Variants in MOBP observed in about 807,000 individuals in gnomAD.
MOBP encodes the protein myelin-associated oligodendrocyte basic protein.
In MOBP, 5 loss-of-function variants were observed where a neutral mutation model predicts 15.0. That is an observed-to-expected ratio of 0.33 (90% CI 0.17 to 0.70). The LOEUF (loss-of-function observed/expected upper bound fraction) is 0.70. MOBP is among the 30% of genes least tolerant of loss of function. MOBP has a pLI of 0.67. For missense variants in MOBP, 188 were observed against 257.8 expected (o/e 0.73, Z 1.85); for synonymous variants, 88 against 99.0 (o/e 0.89, Z 0.66).
chr3:39,474,352 G>T (rs1348050855), intron 1 of MOBP, among the ~76,000 whole-genome samples: 1 of 152,214 alleles, frequency 6.6e-6, no homozygotes, highest in East Asian at 1.9e-4. Flanking sequence ...TTACAGTGAT[G>T]TGTTGGTTAA....
At chr3:39,469,218 ATACATATATACATATGTGTG>A (rs2042427516) in intron 1 of MOBP, among the ~76,000 whole-genome samples, 1 of 131,566 alleles carries the variant, frequency 7.6e-6, no homozygotes, top group Admixed American at 7.7e-5. Flanking sequence ...GTGTGTGTAT[ATACATATATACATATGTGTG>A]TGTATATATA....
intron 1 of MOBP, among the ~76,000 whole-genome samples, chr3:39,479,721 C>T (rs1019399840): frequency 2.6e-5 from 4 of 151,228 alleles, no homozygotes; most frequent in Non-Finnish European, 2.9e-5. Flanking sequence ...AGCAAAAATT[C>T]GGCTTGTAAA....
chr3:39,486,223 G>A (rs2125637287), intron 2 of MOBP, among the ~76,000 whole-genome samples: 1 of 152,278 alleles, frequency 6.6e-6, no homozygotes. Context: ...TGTGATCTTG[G>A]TTGAGTTATC....
chr3:39,472,401 C>T (rs555249755), intron 1 of MOBP, among the ~76,000 whole-genome samples: 7 of 152,106 alleles, frequency 4.6e-5, no homozygotes, highest in East Asian at 3.9e-4. Context: ...TCCTAAATAT[C>T]GAATTAGGTT....
At chr3:39,524,865 G>A (rs2043306677) in exon 5 of MOBP, 2 of 152,122 alleles carry the variant, frequency 1.3e-5, no homozygotes, top group Non-Finnish European at 2.9e-5. Flanking sequence ...ATATTAAATA[G>A]AAGGTAAAAC....
intron 2 of MOBP, 115 bp downstream of exon 2, chr3:39,480,238 A>G (rs1342933664): frequency 6.6e-6 from 1 of 152,200 alleles, no homozygotes; most frequent in Non-Finnish European, 1.5e-5. Flanking sequence ...TGAGCAATCA[A>G]ATTTTCAGTA....
At chr3:39,511,085 G>A (rs2043113836) in intron 4 of MOBP, among the ~76,000 whole-genome samples, 1 of 152,194 alleles carries the variant, frequency 6.6e-6, no homozygotes, top group Non-Finnish European at 1.5e-5. Flanking sequence ...AAATCACAGA[G>A]GTCCTAAATA....
At chr3:39,522,516 C>T (rs2043282199) in intron 3 of MOBP, among the ~76,000 whole-genome samples, 2 of 152,146 alleles carry the variant, frequency 1.3e-5, no homozygotes, top group African/African-American at 2.4e-5. Context: ...AAACCATGGC[C>T]TTAAATCCCC....
exon 5 of MOBP, chr3:39,513,536 C>G (rs1187244977): frequency 7.3e-6 from 8 of 1,097,524 alleles, no homozygotes; most frequent in Non-Finnish European, 1.1e-5. Context: ...GGGGCAAACA[C>G]CTGCTGATGT....
chr3:39,504,688 G>A (rs764242042), downstream of MOBP, among the ~76,000 whole-genome samples: 52 of 152,138 alleles, frequency 3.4e-4, no homozygotes, highest in Non-Finnish European at 6.5e-4. Flanking sequence ...ATTCCCAAAG[G>A]TCTTCAGGTA....
intron 1 of MOBP, among the ~76,000 whole-genome samples, chr3:39,473,503 C>G (rs1197340072): frequency 6.6e-6 from 1 of 152,188 alleles, no homozygotes; most frequent in East Asian, 1.9e-4. Flanking sequence ...TGAATAATTT[C>G]ATGGGGCTCT....
rs563363445 is a variant in MOBP at position 39,521,839 on chromosome 3, TCTC to T, written c.*259-2400_*259-2398del. On this transcript the variant is annotated intron_variant and NMD_transcript_variant, in intron 3 of 4. Transcript: ENST00000424090. ...CACACCTAAGTGTATAATACCGTCT[TCTC>T]CTCTTATGCTACTATCTCTTCCACC... 1.5e-3 allele frequency among the ~76,000 whole-genome samples: 225 copies of T among 152,296 alleles called. 2 individuals carry two copies. The highest frequency in any genetic ancestry group is 5.2e-3 in the African/African-American group (214 of 41,550).
intron 1 of MOBP, among the ~76,000 whole-genome samples, chr3:39,478,635 C>T (rs1298444717): frequency 1.3e-5 from 2 of 152,116 alleles, no homozygotes; most frequent in African/African-American, 4.8e-5. Context: ...AAAATATCTT[C>T]ACAGAAAAAA....
At chr3:39,468,016 T>G (rs1011322896) in intron 1 of MOBP, among the ~76,000 whole-genome samples, 17 of 151,892 alleles carry the variant, frequency 1.1e-4, no homozygotes, top group Admixed American at 9.2e-4. Context: ...TCAGATTTCC[T>G]CAGATTCAAA....
intron 2 of MOBP, among the ~76,000 whole-genome samples, chr3:39,487,685 G>A (rs1037643697): frequency 1.8e-4 from 27 of 151,742 alleles, no homozygotes; most frequent in Middle Eastern, 3.4e-3. Flanking sequence ...CACCACGCCT[G>A]GCTAATTTTT....
chr3:39,522,651 A>C (rs1379136718), intron 3 of MOBP, among the ~76,000 whole-genome samples: 2 of 152,234 alleles, frequency 1.3e-5, no homozygotes, highest in Non-Finnish European at 2.9e-5. Context: ...TTCATTTAAA[A>C]AAGATAATTA....
chr3:39,519,819 A>G (rs1271776409), downstream of MOBP, among the ~76,000 whole-genome samples: 2 of 152,112 alleles, frequency 1.3e-5, no homozygotes, highest in Non-Finnish European at 2.9e-5. Flanking sequence ...TAGGGGCAGA[A>G]AGAGACCACA....
exon 5 of MOBP, chr3:39,515,276 T>G (rs1307024369): frequency 1.3e-5 from 2 of 152,216 alleles, no homozygotes; most frequent in Non-Finnish European, 2.9e-5. Context: ...AGAAGAGGGG[T>G]TGGAGTGAAT....
chr3:39,507,677 A>G (rs1393576978), downstream of MOBP, among the ~76,000 whole-genome samples: 1 of 152,152 alleles, frequency 6.6e-6, no homozygotes, highest in Non-Finnish European at 1.5e-5. Flanking sequence ...CTGTATATAA[A>G]TCATTTGTTC....
Sources: allele counts gnomAD v4.1 joint callset (sites outside exome capture counted in the v4.1 genomes callset), GRCh38; gene constraint gnomAD v4.1.1; transcripts MANE v1.5; gene names NCBI Gene and HGNC (gene_info 2026-07-23, HGNC 2026-07-21).